Variants in CCND2 observed in about 807,000 individuals in gnomAD.
CCND2 encodes cyclin D2, also known as G1/S-specific cyclin-D2.
In CCND2, 6 loss-of-function variants were observed where a neutral mutation model predicts 30.2. The ratio of observed to expected loss-of-function variants is 0.20; its 90% confidence interval spans 0.11 to 0.39. The LOEUF (loss-of-function observed/expected upper bound fraction) is 0.39, where lower values mean the gene tolerates loss of function less well. Among genes scored for constraint, CCND2 ranks in the 10% least tolerant of loss-of-function variants. The pLI is 1.00. For synonymous variants in CCND2, 150 were observed against 153.1 expected (o/e 0.98, Z 0.15); for missense variants, 235 against 373.4 (o/e 0.63, Z 3.06).
chr12:4,296,815 G>GA (rs377148885), intron 4 of CCND2, among the ~76,000 whole-genome samples: 20 of 151,816 alleles, frequency 1.3e-4, no homozygotes, highest in East Asian at 3.9e-4. Flanking sequence ...TTCTTTGCAA[G>GA]AAAAAAAACA....
At chr12:4,290,990 G>A (rs1032847829) in intron 4 of CCND2, among the ~76,000 whole-genome samples, 1 of 152,144 alleles carries the variant, frequency 6.6e-6, no homozygotes. Context: ...AACTGGGGCT[G>A]CCTGTGTGTG....
chr12:4,275,896 A>G (rs1220789719), intron 1 of CCND2, 109 bp from the exon 2 acceptor site: 1 of 712,744 alleles, frequency 1.4e-6, no homozygotes, highest in African/African-American at 1.8e-5. Flanking sequence ...CCACAAAAAA[A>G]AATTAATTTT....
At chr12:4,292,559 A>G (rs1485454519) in intron 4 of CCND2, among the ~76,000 whole-genome samples, 1 of 152,146 alleles carries the variant, frequency 6.6e-6, no homozygotes, top group Non-Finnish European at 1.5e-5. Context: ...TGAGGGACGC[A>G]TGCGGCTCTG....
rs3217852 is a variant in CCND2 at position 4,288,600 on chromosome 12, G to C, written c.572-242G>C. 0.18 allele frequency among the ~76,000 whole-genome samples: 27,742 copies of C among 152,106 alleles called. 2,872 individuals are homozygous for C. Among genetic ancestry groups the C allele is most frequent in the Non-Finnish European group, 0.24 (16,014 of 67,968 alleles). On this transcript the variant is annotated intron_variant, in intron 3 of 4. Coordinates refer to ENST00000261254, the MANE Select transcript of CCND2 (RefSeq NM_001759.4). ...AATCCTCTGTGCATTCATTGTGTGC[G>C]CTTAGATAAGCTGTCTTCCTTCCCT...
At position 4,301,007 on chromosome 12, in the gene CCND2, A is replaced by G. The variant is rs1446676024; in HGVS notation, c.*998A>G. On this transcript the variant is annotated 3_prime_UTR_variant, in exon 5 of 5. Coordinates refer to ENST00000261254, the MANE Select transcript of CCND2 (RefSeq NM_001759.4). ...TTGAAAAATTGTTCCCGAGCGATAG[A>G]TGGGATGGTTTATGCAAGTCATGCT... 1 of 233,606 alleles carries G rather than the reference A, an allele frequency of 4.3e-6. No individual in the cohort carries two copies. The highest frequency in any genetic ancestry group is 8.5e-6 in the Non-Finnish European group (1 of 118,060). The allele number at this position is 233,606 out of a possible 1,614,324, so 14.5% of individuals were successfully genotyped here. A position where few individuals can be genotyped will look rare whatever the true frequency, so the allele number is the denominator to read the frequency against.
At chr12:4,296,771 C>T (rs1864175608) in intron 4 of CCND2, among the ~76,000 whole-genome samples, 1 of 151,092 alleles carries the variant, frequency 6.6e-6, no homozygotes. Flanking sequence ...AGTGGAGGAA[C>T]ATTACACGTG....
intron 1 of CCND2, 102 bp from the exon 2 acceptor site, chr12:4,275,902 AT>A (rs910989546): frequency 6.2e-5 from 47 of 753,868 alleles, no homozygotes; most frequent in Admixed American, 1.4e-4. Context: ...AAAAAAATTA[AT>A]TTTTTTTGTT....
intron 3 of CCND2, among the ~76,000 whole-genome samples, chr12:4,279,818 A>G (rs890600951): frequency 6.6e-6 from 1 of 150,942 alleles, no homozygotes; most frequent in African/African-American, 2.4e-5. Context: ...ACAATCAGAA[A>G]CCTTAGGTAA....
chr12:4,278,535 G>C (rs1043586001), intron 2 of CCND2: 2 of 436,742 alleles, frequency 4.6e-6, no homozygotes, highest in African/African-American at 4.0e-5. Flanking sequence ...CAGCTACCTG[G>C]GCTCTCATTA....
rs1864015690 is a variant in CCND2, at chr12:4,285,849, G to A, written c.572-2993G>A. Among the ~76,000 whole-genome samples the A allele has an allele frequency of 6.6e-6, 1 of 152,222 alleles. No individual in the cohort carries two copies. The highest frequency in any genetic ancestry group is 1.5e-5 in the Non-Finnish European group (1 of 68,034). On this transcript the variant is annotated intron_variant, in intron 3 of 4. Transcript: ENST00000261254. The surrounding 1 kb of genome is among the most constrained non-coding windows in gnomAD (Gnocchi z 4.1). The stretch of plus-strand genomic sequence containing the variant: ...AGTAGAGAGGGGGATGTCCTTGAGA[G>A]TGGTCCTGGGGCAGCCCTGGTGCCA...
rs1046817338 is a variant in CCND2, at chr12:4,302,566, T to C, written c.*2557T>C. On this transcript the variant is annotated 3_prime_UTR_variant, in exon 5 of 5. Coordinates refer to ENST00000261254, the MANE Select transcript of CCND2 (RefSeq NM_001759.4). ...AGATGAACCTGCAGCAAGCAGCGTT[T>C]ATGGTGCTTCCTTCTCCCTCCTCTG... 2 of 233,152 alleles carry C rather than the reference T, an allele frequency of 8.6e-6. No homozygotes were observed. The highest frequency in any genetic ancestry group is 1.7e-5 in the Non-Finnish European group (2 of 118,100). The allele number at this position is 233,152 out of a possible 1,614,324, so 14.4% of individuals were successfully genotyped here. A position where few individuals can be genotyped will look rare whatever the true frequency, so the allele number is the denominator to read the frequency against.
In CCND2 at chr12:4,301,984, G is replaced by A; in HGVS notation, c.*1975G>A. ...TCTGATCACATTCTTCAAAGACGGAGTATTCTTTACCTCAGGTTTACTGGA... is the reference window on the plus strand; with the variant it reads ...TCTGATCACATTCTTCAAAGACGGAATATTCTTTACCTCAGGTTTACTGGA... On this transcript the variant is annotated 3_prime_UTR_variant, in exon 5 of 5. Transcript: ENST00000261254. The A allele has an allele frequency of 4.6e-6, 1 of 218,710 alleles. No individual in the cohort carries two copies. The highest frequency in any genetic ancestry group is 9.1e-6 in the Non-Finnish European group (1 of 109,930). 13.5% of individuals were successfully genotyped at this position (218,710 alleles called of 1,614,324 possible). A position where few individuals can be genotyped will look rare whatever the true frequency, so the allele number is the denominator to read the frequency against.
At position 4,293,860 on chromosome 12, in the gene CCND2, T is replaced by G. The variant is rs1282690155; in HGVS notation, c.720+4870T>G. 6.6e-6 allele frequency among the ~76,000 whole-genome samples: 1 copy of G among 152,024 alleles called. No individual in the cohort carries two copies. The highest frequency in any genetic ancestry group is 1.9e-4 in the East Asian group (1 of 5,192). On this transcript the variant is annotated intron_variant, in intron 4 of 4. Coordinates refer to ENST00000261254, the MANE Select transcript of CCND2 (RefSeq NM_001759.4). This position sits in a 1 kb window ranked among gnomAD's most constrained non-coding sequence, Gnocchi z 4.9. ...TCAGGGCCTGTGGTCAGGAACCTTGTGAAGTGTTGCTGGAAGCTGGGGGTG... is the reference window on the plus strand; with the variant it reads ...TCAGGGCCTGTGGTCAGGAACCTTGGGAAGTGTTGCTGGAAGCTGGGGGTG...
In CCND2 at chr12:4,278,914, C is replaced by T. The variant is rs1417189054; in HGVS notation, c.566C>T (p.Ala189Val). The stretch of plus-strand genomic sequence containing the variant: ...GCTCAGACCTTCATTGCTCTGTGTG[C>T]CACCGGTAAGATGAGGCTTGAGCCG... ...KHAQTFIALCATDFKFAMYPP... is the reference protein window; with the variant it reads ...KHAQTFIALCVTDFKFAMYPP... Residue 189 changes from alanine to valine, a missense_variant, in exon 3 of 5, where the codon GCC becomes GTC. Physicochemically the swap from Ala to Val is moderately conservative, Grantham distance 64. Transcript: ENST00000261254. 1.9e-6 allele frequency: 3 copies of T among 1,611,246 alleles called. No homozygotes were observed. Among genetic ancestry groups the T allele is most frequent in the Non-Finnish European group, 2.5e-6 (3 of 1,178,294 alleles).
Position 4,282,856 on chromosome 12 carries a change from G to T in CCND2, c.571+3937G>T, listed in dbSNP as rs1167660703. Among the ~76,000 whole-genome samples, 1 of 152,220 alleles carries T rather than the reference G, an allele frequency of 6.6e-6. No individual in the cohort carries two copies. The highest frequency in any genetic ancestry group is 1.5e-5 in the Non-Finnish European group (1 of 68,036). Reference sequence around the variant, plus strand: ...TATGGGGGTGGCAGATGAGGTGCGTGCCCAGTGACGTCCCTGGCCTGTGAA... The same window carrying T: ...TATGGGGGTGGCAGATGAGGTGCGTTCCCAGTGACGTCCCTGGCCTGTGAA... On this transcript the variant is annotated intron_variant, in intron 3 of 4. Coordinates refer to ENST00000261254, the MANE Select transcript of CCND2 (RefSeq NM_001759.4). This position sits in a 1 kb window ranked among gnomAD's most constrained non-coding sequence, Gnocchi z 4.3.
intron 4 of CCND2, among the ~76,000 whole-genome samples, chr12:4,290,069 C>T (rs1864077209): frequency 6.6e-6 from 1 of 152,196 alleles, no homozygotes; most frequent in South Asian, 2.1e-4. Flanking sequence ...TTCAGATGCC[C>T]TCTGCGGGCT....
chr12:4,280,142 A>G (rs1863928722), intron 3 of CCND2, among the ~76,000 whole-genome samples: 1 of 144,192 alleles, frequency 6.9e-6, no homozygotes, highest in African/African-American at 2.5e-5. Context: ...CAGAGCAGCT[A>G]GGAAAATTAA....
rs997369834 is a variant in CCND2 at position 4,279,589 on chromosome 12, C to T, written c.571+670C>T. 2.6e-5 allele frequency among the ~76,000 whole-genome samples: 4 copies of T among 151,660 alleles called. No individual in the cohort carries two copies. The East Asian group carries it at 6.0e-4, about 23-fold the overall frequency. On this transcript the variant is annotated intron_variant, in intron 3 of 4. Transcript: ENST00000261254. Reference sequence around the variant, plus strand: ...GCCGCAGCCTTTAACGTTGCAATTCCGCCTACCACGTGGATCCCACAATTG... The same window carrying T: ...GCCGCAGCCTTTAACGTTGCAATTCTGCCTACCACGTGGATCCCACAATTG...
In CCND2 at chr12:4,274,623, G is replaced by T. The variant is rs1038764216; in HGVS notation, c.195+388G>T. ...TGAAATCGGGACCCCGAGTAGAAAG[G>T]CAACCCCCCCCAAAAGGCCAGAGCA... On this transcript the variant is annotated intron_variant, in intron 1 of 4. Transcript: ENST00000261254. This position sits in a 1 kb window ranked among gnomAD's most constrained non-coding sequence, Gnocchi z 7.7. 2.0e-5 allele frequency among the ~76,000 whole-genome samples: 3 copies of T among 152,112 alleles called. No individual in the cohort carries two copies. Among genetic ancestry groups the T allele is most frequent in the Non-Finnish European group, 4.4e-5 (3 of 68,010 alleles).
Sources: allele counts gnomAD v4.1 joint callset (sites outside exome capture counted in the v4.1 genomes callset), GRCh38; gene constraint gnomAD v4.1.1; non-coding constraint Gnocchi (gnomAD v3.1); transcripts MANE v1.5; gene names NCBI Gene and HGNC (gene_info 2026-07-23, HGNC 2026-07-21).